Variants in SUMF1 observed in about 807,000 individuals in gnomAD.
SUMF1 encodes formylglycine-generating enzyme.
In SUMF1, 48 loss-of-function variants were observed where a neutral mutation model predicts 47.6. That is an observed-to-expected ratio of 1.01 (90% CI 0.80 to 1.28). The LOEUF is 1.28. Among genes scored for constraint, SUMF1 ranks in the 50% most tolerant of loss-of-function variants. SUMF1 has a pLI of 0.00. For synonymous variants in SUMF1, 230 were observed against 192.1 expected, an observed-to-expected ratio of 1.20 and a Z score of -1.63; for missense variants, 571 against 485.4, an observed-to-expected ratio of 1.18 and a Z score of -1.66.
At chr3:4,151,270 A>G in intron 8 of SUMF1, among the ~76,000 whole-genome samples, 1 of 149,678 alleles carries the variant, frequency 6.7e-6, no homozygotes, top group Middle Eastern at 3.5e-3. Flanking sequence ...TAAAATATAG[A>G]TATTTATACA....
intron 2 of SUMF1, among the ~76,000 whole-genome samples, chr3:4,450,968 A>G (rs1702949038): frequency 6.6e-6 from 1 of 151,966 alleles, no homozygotes; most frequent in Admixed American, 6.5e-5. Context: ...AGTGCCATTA[A>G]AAAAACAGAG....
chr3:4,352,052 C>A (rs1398621933), intron 8 of SUMF1, among the ~76,000 whole-genome samples: 1 of 152,158 alleles, frequency 6.6e-6, no homozygotes, highest in Admixed American at 6.5e-5. Context: ...ATCCATTCCA[C>A]CTCCTCACTC....
At chr3:4,089,214 G>A (rs1350581309) in intron 8 of SUMF1, among the ~76,000 whole-genome samples, 1 of 151,970 alleles carries the variant, frequency 6.6e-6, no homozygotes, top group South Asian at 2.1e-4. Context: ...GTTTGCATAG[G>A]GGTGACCTTG....
At chr3:4,195,875 A>G (rs1437832697) in intron 8 of SUMF1, among the ~76,000 whole-genome samples, 1 of 152,166 alleles carries the variant, frequency 6.6e-6, no homozygotes, top group Non-Finnish European at 1.5e-5. Context: ...ATGAAAAAAC[A>G]CCAAAATAGA....
chr3:4,182,018 G>T (rs1358973461), intron 8 of SUMF1, among the ~76,000 whole-genome samples: 8 of 152,054 alleles, frequency 5.3e-5, no homozygotes, highest in Admixed American at 5.2e-4. Context: ...GTTATAGTTC[G>T]ATTTGTAACT....
intron 8 of SUMF1, among the ~76,000 whole-genome samples, chr3:4,099,967 G>C (rs1338380643): frequency 6.6e-6 from 1 of 151,528 alleles, no homozygotes; most frequent in East Asian, 1.9e-4. Context: ...CAAATAAATG[G>C]AAAGATATCC....
intron 9 of SUMF1, among the ~76,000 whole-genome samples, chr3:4,039,661 T>C (rs1175844587): frequency 6.7e-6 from 1 of 148,340 alleles, no homozygotes; most frequent in African/African-American, 2.6e-5. Context: ...TTTGCTATTG[T>C]GATTAAAAGG....
In SUMF1 at chr3:4,466,880, T is replaced by A. The variant is rs936039972; in HGVS notation, c.270+96A>T. 6 of 1,520,904 alleles carry A rather than the reference T, an allele frequency of 3.9e-6. No individual in the cohort carries two copies. The African/African-American group carries it at 5.5e-5, about 14-fold the overall frequency. 94.2% of individuals were successfully genotyped at this position (1,520,904 alleles called of 1,614,324 possible). On this transcript the variant is annotated intron_variant, in intron 1 of 8. Coordinates refer to ENST00000272902, the MANE Select transcript of SUMF1 (RefSeq NM_182760.4). ...CTCGATTTGGGGTGTGGTTATAACCTTTACTTCCCTTCCTACTAGTGCCTT... is the reference window on the plus strand; with the variant it reads ...CTCGATTTGGGGTGTGGTTATAACCATTACTTCCCTTCCTACTAGTGCCTT...
chr3:4,450,320 G>C (rs1702927059), intron 2 of SUMF1, among the ~76,000 whole-genome samples: 1 of 152,068 alleles, frequency 6.6e-6, no homozygotes, highest in Non-Finnish European at 1.5e-5. Context: ...TACTCCAAAT[G>C]ACTCTCAAAT....
chr3:4,433,257 A>G (rs999357848), intron 3 of SUMF1, among the ~76,000 whole-genome samples: 6 of 152,224 alleles, frequency 3.9e-5, no homozygotes, highest in Non-Finnish European at 7.3e-5. Context: ...AAGACATGAA[A>G]AGAAATTTAA....
intron 8 of SUMF1, among the ~76,000 whole-genome samples, chr3:4,350,666 A>G (rs1265846591): frequency 1.3e-5 from 2 of 152,202 alleles, no homozygotes; most frequent in Admixed American, 1.3e-4. Flanking sequence ...ATAATTCTTA[A>G]TTAAAGCAGT....
At chr3:4,382,736 A>G (rs991554051) in intron 7 of SUMF1, among the ~76,000 whole-genome samples, 13 of 152,240 alleles carry the variant, frequency 8.5e-5, no homozygotes, top group Non-Finnish European at 1.6e-4. Context: ...GATACTACGT[A>G]GCCATAAAAA....
chr3:4,160,676 A>T (rs1295647252), intron 8 of SUMF1, among the ~76,000 whole-genome samples: 1 of 151,600 alleles, frequency 6.6e-6, no homozygotes, highest in Non-Finnish European at 1.5e-5. Flanking sequence ...CTTTTTCACT[A>T]TTTCCATCTC....
chr3:4,288,797 C>T (rs776158389), intron 8 of SUMF1, among the ~76,000 whole-genome samples: 1 of 122,860 alleles, frequency 8.1e-6, no homozygotes, highest in South Asian at 3.1e-4. Context: ...GAGCGAGACT[C>T]TGTCTAGAAA....
At chr3:4,313,111 T>C (rs776070238) in intron 8 of SUMF1, 1 of 1,614,046 alleles carries the variant, frequency 6.2e-7, no homozygotes, top group Non-Finnish European at 8.5e-7. Context: ...CCTGTGCCGA[T>C]GCAGTGACCA....
At chr3:4,331,900 T>C (rs1264245921) in intron 8 of SUMF1, among the ~76,000 whole-genome samples, 2 of 152,146 alleles carry the variant, frequency 1.3e-5, no homozygotes, top group Non-Finnish European at 1.5e-5. Context: ...AAACAAATCA[T>C]AGAAGCAAGT....
At chr3:4,035,960 T>G (rs1230268208) in intron 9 of SUMF1, among the ~76,000 whole-genome samples, 1 of 152,154 alleles carries the variant, frequency 6.6e-6, no homozygotes, top group Middle Eastern at 3.2e-3. Context: ...TTAGCCTATG[T>G]GACCAATGGC....
At chr3:4,210,849 T>C (rs1695763659) in intron 8 of SUMF1, among the ~76,000 whole-genome samples, 1 of 151,768 alleles carries the variant, frequency 6.6e-6, no homozygotes, top group Admixed American at 6.6e-5. Flanking sequence ...GACCCACCCT[T>C]GATCTGGGTG....
chr3:4,373,369 C>G (rs1020849192), intron 8 of SUMF1, among the ~76,000 whole-genome samples: 3 of 151,976 alleles, frequency 2.0e-5, no homozygotes, highest in Non-Finnish European at 4.4e-5. Context: ...TGGACAAATT[C>G]CTTAAAAGAT....
Sources: allele counts gnomAD v4.1 joint callset (sites outside exome capture counted in the v4.1 genomes callset), GRCh38; gene constraint gnomAD v4.1.1; transcripts MANE v1.5; gene names NCBI Gene and HGNC (gene_info 2026-07-23, HGNC 2026-07-21).